ESRRG: variants seen among roughly 807,000 people sequenced by gnomAD.
The protein encoded by ESRRG is estrogen-related receptor gamma.
In ESRRG, 13 loss-of-function variants were observed where a neutral mutation model predicts 44.0. The observed-to-expected ratio is 0.30, with a 90% confidence interval of 0.19 to 0.47. The LOEUF is 0.47. Among genes scored for constraint, ESRRG ranks in the 20% least tolerant of loss-of-function variants. ESRRG has a pLI of 1.00. For synonymous variants in ESRRG, 215 were observed against 214.6 expected, an observed-to-expected ratio of 1.00 and a Z score of -0.02; for missense variants, 395 against 580.6, an observed-to-expected ratio of 0.68 and a Z score of 3.29.
intron 2 of ESRRG, among the ~76,000 whole-genome samples, chr1:216,837,905 T>C (rs2095593796): frequency 6.6e-6 from 1 of 152,184 alleles, no homozygotes; most frequent in South Asian, 2.1e-4. Context: ...TTTGTCATTG[T>C]TGTTGTTCCA....
intron 6 of ESRRG, among the ~76,000 whole-genome samples, chr1:216,516,668 C>CACACACACACACAGAGAGAG (rs376701865): frequency 2.9e-5 from 4 of 137,168 alleles, no homozygotes; most frequent in African/African-American, 1.2e-4. Context: ...CACACACACA[C>CACACACACACACAGAGAGAG]AGAGAGAGAG....
chr1:217,104,177 G>A (rs1056263312), intron 1 of ESRRG, among the ~76,000 whole-genome samples: 5 of 152,154 alleles, frequency 3.3e-5, no homozygotes, highest in Non-Finnish European at 5.9e-5. Flanking sequence ...AGAAGAAAAT[G>A]ATCTAAGTCA....
chr1:216,929,225 G>A (rs1263902847), intron 2 of ESRRG, among the ~76,000 whole-genome samples: 1 of 150,568 alleles, frequency 6.6e-6, no homozygotes, highest in African/African-American at 2.4e-5. Flanking sequence ...TTAACAATTG[G>A]TGGTAAAAGT....
intron 1 of ESRRG, among the ~76,000 whole-genome samples, chr1:217,106,384 T>C (rs972904760): frequency 5.8e-5 from 8 of 136,926 alleles, no homozygotes; most frequent in African/African-American, 2.4e-4. Flanking sequence ...ATTCACACAC[T>C]CACATATGCA....
intron 1 of ESRRG, among the ~76,000 whole-genome samples, chr1:216,989,587 G>A (rs2075379072): frequency 6.6e-6 from 1 of 152,146 alleles, no homozygotes; most frequent in Non-Finnish European, 1.5e-5. Flanking sequence ...TAGCATGGAT[G>A]TACATGTGTG....
chr1:216,648,280 A>C (rs1248589972), intron 3 of ESRRG, among the ~76,000 whole-genome samples: 1 of 152,100 alleles, frequency 6.6e-6, no homozygotes, highest in African/African-American at 2.4e-5. Flanking sequence ...TTCCACATTT[A>C]CTCATAACCA....
At chr1:216,935,904 C>T (rs1304585677) in intron 2 of ESRRG, among the ~76,000 whole-genome samples, 2 of 152,104 alleles carry the variant, frequency 1.3e-5, no homozygotes, top group African/African-American at 2.4e-5. Flanking sequence ...TGTGAGCCAT[C>T]GTGTCTGGCC....
chr1:216,851,321 T>A (rs11117704), intron 2 of ESRRG, among the ~76,000 whole-genome samples: 5,106 of 152,232 alleles, frequency 0.034, 301 homozygotes, highest in African/African-American at 0.11. Flanking sequence ...TTTCGGCATC[T>A]AAGTTACTTT....
At chr1:216,721,327 C>G (rs763389111) in intron 1 of ESRRG, among the ~76,000 whole-genome samples, 23 of 152,092 alleles carry the variant, frequency 1.5e-4, no homozygotes, top group Non-Finnish European at 2.8e-4. Context: ...GGGTTTAACC[C>G]GGTACAATTA....
intron 1 of ESRRG, among the ~76,000 whole-genome samples, chr1:216,975,257 A>T (rs1402072961): frequency 1.3e-5 from 2 of 152,208 alleles, no homozygotes; most frequent in African/African-American, 4.8e-5. Flanking sequence ...TCTATTTCAC[A>T]TAGTTCATAT....
Position 216,973,146 on chromosome 1 carries a change from T to C in ESRRG, c.-105-33473A>G, listed in dbSNP as rs772437895. On this transcript the variant is annotated intron_variant, in intron 1 of 7. Coordinates refer to the ESRRG transcript ENST00000359162. ...GTCGGTCTATTTTCTAAACAGCTGC[T>C]GGGATGATCCTTCAAAAAGGTAAGT... 3.9e-5 allele frequency among the ~76,000 whole-genome samples: 6 copies of C among 152,118 alleles called. No individual in the cohort carries two copies. The East Asian group carries it at 1.2e-3, about 29-fold the overall frequency.
chr1:216,757,229 C>G (rs1044471498), intron 2 of ESRRG, among the ~76,000 whole-genome samples: 2 of 151,928 alleles, frequency 1.3e-5, no homozygotes, highest in African/African-American at 4.8e-5. Flanking sequence ...TATAAGATAT[C>G]TACTCTAGAT....
intron 1 of ESRRG, among the ~76,000 whole-genome samples, chr1:216,683,495 A>G (rs2077394857): frequency 6.6e-6 from 1 of 152,184 alleles, no homozygotes; most frequent in African/African-American, 2.4e-5. Context: ...TCCATGAAGA[A>G]CAAGAGTAAG....
At chr1:217,093,626 T>G (rs1309536304), upstream of ESRRG, among the ~76,000 whole-genome samples, 1 of 151,684 alleles carries the variant, frequency 6.6e-6, no homozygotes, top group African/African-American at 2.4e-5. Flanking sequence ...CTGCAAGAAA[T>G]AGAAAAAATC....
intron 5 of ESRRG, among the ~76,000 whole-genome samples, chr1:216,538,119 C>T (rs945408106): frequency 4.6e-5 from 7 of 152,098 alleles, no homozygotes; most frequent in Middle Eastern, 3.4e-3. Context: ...CTGCTTTCTC[C>T]TCTACTACTT....
chr1:217,116,096 T>C (rs2092723089), intron 1 of ESRRG, among the ~76,000 whole-genome samples: 1 of 152,192 alleles, frequency 6.6e-6, no homozygotes, highest in Non-Finnish European at 1.5e-5. Context: ...GTGTGTTTTT[T>C]CCCAAGATCC....
chr1:216,954,258 A>T (rs1311083837), intron 1 of ESRRG, among the ~76,000 whole-genome samples: 1 of 152,096 alleles, frequency 6.6e-6, no homozygotes, highest in Non-Finnish European at 1.5e-5. Flanking sequence ...ATAACTCAAC[A>T]TATTAAAAAA....
chr1:217,124,834 C>T (rs1166645093), intron 1 of ESRRG, among the ~76,000 whole-genome samples: 1 of 152,152 alleles, frequency 6.6e-6, no homozygotes, highest in Non-Finnish European at 1.5e-5. Flanking sequence ...TCATTCTATG[C>T]CCCTAGCCAA....
rs986017744 is a variant in ESRRG at position 217,005,898 on chromosome 1, C to T, written c.-105-66225G>A. On this transcript the variant is annotated intron_variant, in intron 1 of 7. Coordinates refer to the ESRRG transcript ENST00000359162. ...AGCCAGTCTTCATTACTATGTTAAT[C>T]ACTGTGGTCTTTATTAATGGATATT... 2.6e-5 allele frequency among the ~76,000 whole-genome samples: 4 copies of T among 152,096 alleles called. No individual in the cohort carries two copies. The East Asian group carries it at 7.7e-4, about 29-fold the overall frequency.
Sources: allele counts gnomAD v4.1 joint callset (sites outside exome capture counted in the v4.1 genomes callset), GRCh38; gene constraint gnomAD v4.1.1; transcripts MANE v1.5; gene names NCBI Gene and HGNC (gene_info 2026-07-23, HGNC 2026-07-21).